Variants in CCDC93 observed in about 807,000 individuals in gnomAD.
CCDC93 encodes the protein CCC complex scaffolding subunit CCDC93, also known as coiled-coil domain-containing protein 93.
A neutral mutation model predicts 108.2 loss-of-function variants in CCDC93; 61 were observed. The ratio of observed to expected loss-of-function variants is 0.56; its 90% CI spans 0.46 to 0.70. CCDC93 has a LOEUF of 0.70. Among genes scored for constraint, CCDC93 ranks in the 30% least tolerant of loss-of-function variants. The probability of loss-of-function intolerance (pLI) is 0.00; values close to 1 mark genes in which losing one functional copy is unlikely to be tolerated. For synonymous variants in CCDC93, 276 were observed against 260.4 expected (o/e 1.06, Z -0.58); for missense variants, 685 against 764.2 (o/e 0.90, Z 1.22).
At chr2:117,978,582 T>G (rs1680015498) in intron 7 of CCDC93, among the ~76,000 whole-genome samples, 1 of 152,216 alleles carries the variant, frequency 6.6e-6, no homozygotes, top group Non-Finnish European at 1.5e-5. Flanking sequence ...TCTATGTTTT[T>G]TTAAAAAGCA....
chr2:117,940,431 T>G (rs559929714), intron 19 of CCDC93, among the ~76,000 whole-genome samples: 11 of 152,030 alleles, frequency 7.2e-5, no homozygotes, highest in Non-Finnish European at 1.5e-4. Context: ...AGAGGCAGTG[T>G]GTGGACTGGC....
At position 118,013,967 on chromosome 2, in the gene CCDC93, T is replaced by G. The variant is rs769588404; in HGVS notation, c.29A>C (p.Gln10Pro). 6.8e-5 allele frequency: 109 copies of G among 1,594,920 alleles called. 2 individuals are homozygous for G. The South Asian group carries it at 1.2e-3, about 17-fold the overall frequency. The change falls in exon 1 of 24, where the codon CAG becomes CCG. Residue 10 changes from glutamine to proline, a missense_variant. Coordinates refer to ENST00000376300, the MANE Select transcript of CCDC93 (RefSeq NM_019044.5). MGLPRGPEG[Q>P]GLPEVETRED... Reference sequence around the variant, plus strand: ...AGGCGTTCTTACCTCCGGGAGACCCTGGCCCTCCGGCCCCCTGGGCAACCC... The same window carrying G: ...AGGCGTTCTTACCTCCGGGAGACCCGGGCCCTCCGGCCCCCTGGGCAACCC...
chr2:117,975,121 A>G (rs1428469425), intron 9 of CCDC93, 67 bp downstream of exon 9: 36 of 1,400,640 alleles, frequency 2.6e-5, no homozygotes, highest in Admixed American at 3.5e-5. Flanking sequence ...AACGCTAGGG[A>G]TAAGAGTACG....
At chr2:117,939,160 A>C (rs1450002872) in intron 19 of CCDC93, 49 bp from the exon 20 acceptor site, 1 of 1,128,834 alleles carries the variant, frequency 8.9e-7, no homozygotes, top group East Asian at 2.4e-5. Context: ...GTATCAGAAC[A>C]CCCTACCTGC....
intron 17 of CCDC93, among the ~76,000 whole-genome samples, chr2:117,944,471 A>G (rs1423205146): frequency 6.6e-6 from 1 of 152,178 alleles, no homozygotes; most frequent in Non-Finnish European, 1.5e-5. Flanking sequence ...GAGCTGTGTT[A>G]TCCAATGTGA....
At chr2:117,971,121 G>C (rs897673028) in intron 11 of CCDC93, among the ~76,000 whole-genome samples, 3 of 152,192 alleles carry the variant, frequency 2.0e-5, no homozygotes, top group Admixed American at 1.3e-4. Context: ...CCAGCACTTT[G>C]GGAGGCTGAG....
At chr2:117,958,732 T>C (rs1679297476) in intron 11 of CCDC93, among the ~76,000 whole-genome samples, 1 of 152,204 alleles carries the variant, frequency 6.6e-6, no homozygotes. Context: ...GACATAACTG[T>C]GGTTATGTCA....
intron 11 of CCDC93, among the ~76,000 whole-genome samples, chr2:117,970,680 C>T (rs1679731591): frequency 6.6e-6 from 1 of 152,122 alleles, no homozygotes. Flanking sequence ...GTATTCAAAC[C>T]TGGAACTTAT....
In CCDC93 at chr2:118,013,962, G is replaced by A. The variant is rs370651764; in HGVS notation, c.34C>T (p.Leu12Phe). ...GGAGGAGGCGTTCTTACCTCCGGGA[G>A]ACCCTGGCCCTCCGGCCCCCTGGGC... ...GLPRGPEGQG[L>F]PEVETREDEE... is the part of the protein sequence containing the mutation. The change falls in exon 1 of 24, where the codon CTC (leucine) becomes TTC (phenylalanine). Residue 12 changes from leucine to phenylalanine, a missense_variant. Leu to Phe is a conservative substitution (Grantham distance 22). Coordinates refer to ENST00000376300, the MANE Select transcript of CCDC93 (RefSeq NM_019044.5). 10 of 1,594,366 alleles carry A rather than the reference G, an allele frequency of 6.3e-6. No homozygotes were observed. The highest frequency in any genetic ancestry group is 1.3e-5 in the African/African-American group (1 of 74,184).
chr2:117,966,181 T>A (rs1573495838), intron 11 of CCDC93, among the ~76,000 whole-genome samples: 2 of 152,200 alleles, frequency 1.3e-5, no homozygotes, highest in African/African-American at 4.8e-5. Context: ...AATCCCTGTC[T>A]CCTACTCTTT....
chr2:117,935,368 G>C (rs1678488257), intron 22 of CCDC93, 127 bp downstream of exon 22: 1 of 683,142 alleles, frequency 1.5e-6, no homozygotes, highest in Non-Finnish European at 2.6e-6. Context: ...GAATACCTCT[G>C]TAGAAATGTG....
At position 117,922,427 on chromosome 2, in the gene CCDC93, CAG is replaced by C. The variant is rs562377429; in HGVS notation, c.1843-2033_1843-2032del. Among the ~76,000 whole-genome samples, 1,500 of 152,300 alleles carry C rather than the reference CAG, an allele frequency of 9.8e-3. 15 individuals carry two copies. The highest frequency in any genetic ancestry group is 0.017 in the Non-Finnish European group (1,156 of 68,022). On this transcript the variant is annotated intron_variant, in intron 23 of 23. Transcript: ENST00000376300. The stretch of plus-strand genomic sequence containing the variant: ...CTATCCATGCCCACTAGGTGCCAGA[CAG>C]AGAGCTAAGTTCACTCAAGGTTATG...
At chr2:117,938,630 T>C (rs998943899) in intron 20 of CCDC93, among the ~76,000 whole-genome samples, 5 of 151,790 alleles carry the variant, frequency 3.3e-5, no homozygotes, top group African/African-American at 1.2e-4. Context: ...AACCTTTTAG[T>C]TCACGCCTTT....
At chr2:117,949,036 T>C (rs1678965936) in intron 14 of CCDC93, among the ~76,000 whole-genome samples, 2 of 152,220 alleles carry the variant, frequency 1.3e-5, no homozygotes, top group Admixed American at 1.3e-4. Flanking sequence ...TGCCCTTTTC[T>C]GTACTATGAA....
intron 3 of CCDC93, 56 bp downstream of exon 3, chr2:118,006,666 C>A (rs1676879616): frequency 2.1e-6 from 2 of 975,082 alleles, no homozygotes; most frequent in Non-Finnish European, 3.3e-6. Context: ...ACACAGTAGA[C>A]ACTCAAAAGT....
At chr2:117,924,522 G>A (rs1419167680) in intron 23 of CCDC93, among the ~76,000 whole-genome samples, 1 of 152,150 alleles carries the variant, frequency 6.6e-6, no homozygotes, top group East Asian at 1.9e-4. Context: ...TGGAAGAAAG[G>A]GTATCAGTGA....
chr2:118,004,094 T>C (rs1357577612), intron 3 of CCDC93, among the ~76,000 whole-genome samples: 2 of 152,212 alleles, frequency 1.3e-5, no homozygotes, highest in African/African-American at 4.8e-5. Flanking sequence ...GAATTAAACC[T>C]GGGTCTAAAT....
chr2:118,014,019 C>T lies in CCDC93; in HGVS notation c.-24G>A, dbSNP rs747668916. 1.8e-5 allele frequency: 28 copies of T among 1,590,990 alleles called. No homozygotes were observed. Among genetic ancestry groups the T allele is most frequent in the Middle Eastern group, 3.3e-4 (2 of 6,016 alleles). On this transcript the variant is annotated 5_prime_UTR_variant, in exon 1 of 24. Transcript: ENST00000376300. ...ATGATCCGACCGGGCTGTCGTAAGGCGAGAGCGAAGCCCGCCAAGCGTCCG... is the reference window on the plus strand; with the variant it reads ...ATGATCCGACCGGGCTGTCGTAAGGTGAGAGCGAAGCCCGCCAAGCGTCCG...
At chr2:117,994,696 TATTTC>T (rs1680590193) in intron 6 of CCDC93, among the ~76,000 whole-genome samples, 1 of 152,248 alleles carries the variant, frequency 6.6e-6, no homozygotes, top group Non-Finnish European at 1.5e-5. Flanking sequence ...GTACATCTGA[TATTTC>T]ATTTGGGTGG....
Sources: allele counts gnomAD v4.1 joint callset (sites outside exome capture counted in the v4.1 genomes callset), GRCh38; gene constraint gnomAD v4.1.1; transcripts MANE v1.5; gene names NCBI Gene and HGNC (gene_info 2026-07-23, HGNC 2026-07-21).